ASAP1: variants seen among roughly 807,000 people sequenced by gnomAD.
ASAP1 encodes the protein ArfGAP with SH3 domain, ankyrin repeat and PH domain 1, also known as arf-GAP with SH3 domain, ANK repeat and PH domain-containing protein 1.
ASAP1 carries 43 observed loss-of-function variants against 145.2 expected under a neutral mutation model. The observed-to-expected ratio is 0.30, with a 90% CI of 0.23 to 0.38. The LOEUF is 0.38. Among genes scored for constraint, ASAP1 ranks in the 10% least tolerant of loss-of-function variants. The pLI is 1.00. For missense variants in ASAP1, 1,018 were observed against 1,355.3 expected, an observed-to-expected ratio of 0.75 and a Z score of 3.91; for synonymous variants, 546 against 515.5, an observed-to-expected ratio of 1.06 and a Z score of -0.80.
chr8:130,141,215 C>A (rs780041164), intron 13 of ASAP1, among the ~76,000 whole-genome samples: 1 of 152,152 alleles, frequency 6.6e-6, no homozygotes, highest in Admixed American at 6.5e-5. Context: ...TCTATTGAGT[C>A]CTTGCTGTTG....
intron 4 of ASAP1, among the ~76,000 whole-genome samples, chr8:130,226,562 G>T (rs1002635662): frequency 5.9e-5 from 9 of 152,110 alleles, no homozygotes; most frequent in Non-Finnish European, 1.3e-4. Context: ...AGGTCATTTT[G>T]ACTTTGGAGT....
Position 130,053,245 on chromosome 8 carries a change from A to G in ASAP1, c.*1486T>C, listed in dbSNP as rs1486097454. On this transcript the variant is annotated 3_prime_UTR_variant, in exon 30 of 30. Transcript: ENST00000518721. ...TTGCCAAGATTCTCTGCTTAAAAATATTAGTTTTCTGTGCTGTTGCCAAAA... is the reference window on the plus strand; with the variant it reads ...TTGCCAAGATTCTCTGCTTAAAAATGTTAGTTTTCTGTGCTGTTGCCAAAA... 3 of 152,344 alleles carry G rather than the reference A, an allele frequency of 2.0e-5. No homozygotes were observed. The highest frequency in any genetic ancestry group is 2.4e-5 in the African/African-American group (1 of 41,576). 9.4% of individuals were successfully genotyped at this position (152,344 alleles called of 1,614,324 possible). A position where few individuals can be genotyped will look rare whatever the true frequency, so the allele number is the denominator to read the frequency against.
At chr8:130,161,527 C>T (rs530164971) in intron 11 of ASAP1, among the ~76,000 whole-genome samples, 8 of 152,276 alleles carry the variant, frequency 5.3e-5, no homozygotes, top group East Asian at 1.9e-4. Flanking sequence ...TTGACATGGA[C>T]GCTCACACTC....
chr8:130,301,206 C>A (rs1033492889), intron 3 of ASAP1, among the ~76,000 whole-genome samples: 1 of 152,158 alleles, frequency 6.6e-6, no homozygotes, highest in South Asian at 2.1e-4. Context: ...TACCTTCCCC[C>A]ACCTCTTAAC....
chr8:130,252,043 A>C (rs556580896), intron 3 of ASAP1, among the ~76,000 whole-genome samples: 4 of 152,200 alleles, frequency 2.6e-5, no homozygotes, highest in Non-Finnish European at 5.9e-5. Context: ...GTGTATTATC[A>C]AATGTTCTAA....
intron 11 of ASAP1, 92 bp from the exon 12 acceptor site, chr8:130,160,056 G>T: frequency 9.5e-7 from 1 of 1,055,188 alleles, no homozygotes; most frequent in Non-Finnish European, 1.5e-6. Context: ...GCACTGGTCT[G>T]GGTCTAAGGG....
At chr8:130,189,074 T>A (rs1814955952) in intron 5 of ASAP1, among the ~76,000 whole-genome samples, 1 of 152,218 alleles carries the variant, frequency 6.6e-6, no homozygotes, top group South Asian at 2.1e-4. Context: ...ATGAAGTACA[T>A]GTGAAATTTG....
intron 27 of ASAP1, among the ~76,000 whole-genome samples, chr8:130,072,824 T>TGTGCGCGCGC: frequency 1.2e-4 from 4 of 32,230 alleles, no homozygotes; most frequent in Admixed American, 7.2e-4. Flanking sequence ...TGTGTGTGTG[T>TGTGCGCGCGC]GCGCGCGGGG....
intron 23 of ASAP1, among the ~76,000 whole-genome samples, chr8:130,115,261 CA>C (rs1444584761): frequency 1.3e-5 from 2 of 152,202 alleles, no homozygotes; most frequent in Non-Finnish European, 2.9e-5. Flanking sequence ...TGAGGTCCCC[CA>C]AAGGGTAAGG....
chr8:130,374,596 A>T (rs2138324566), intron 2 of ASAP1, among the ~76,000 whole-genome samples: 1 of 152,386 alleles, frequency 6.6e-6, no homozygotes, highest in Non-Finnish European at 1.5e-5. Flanking sequence ...TAACAAGCTT[A>T]CATACTTGTC....
At chr8:130,279,829 G>A (rs1773105074) in intron 3 of ASAP1, among the ~76,000 whole-genome samples, 2 of 152,100 alleles carry the variant, frequency 1.3e-5, no homozygotes, top group South Asian at 4.1e-4. Flanking sequence ...AATAGTTAGG[G>A]GCGTCCATAA....
At chr8:130,240,583 A>C (rs1818464216) in intron 3 of ASAP1, among the ~76,000 whole-genome samples, 1 of 152,192 alleles carries the variant, frequency 6.6e-6, no homozygotes, top group South Asian at 2.1e-4. Context: ...ATCTTTCCCA[A>C]ATCATTAGAA....
At chr8:130,322,719 G>A (rs757352622) in intron 3 of ASAP1, among the ~76,000 whole-genome samples, 5 of 152,198 alleles carry the variant, frequency 3.3e-5, no homozygotes, top group African/African-American at 7.2e-5. Flanking sequence ...TGTGAAGCAT[G>A]TATAGAACAC....
At chr8:130,321,991 C>T (rs917286446) in intron 3 of ASAP1, among the ~76,000 whole-genome samples, 3 of 152,190 alleles carry the variant, frequency 2.0e-5, no homozygotes, top group Admixed American at 2.0e-4. Context: ...GCAAATTAAA[C>T]TTGCTTTGCA....
At chr8:130,180,711 G>A in intron 8 of ASAP1, 40 bp downstream of exon 8, 2 of 1,591,406 alleles carry the variant, frequency 1.3e-6, no homozygotes, top group Non-Finnish European at 1.7e-6. Context: ...GATCACAGTT[G>A]TTATAATTCT....
chr8:130,247,942 TAACC>T (rs901653064), intron 3 of ASAP1, among the ~76,000 whole-genome samples: 1 of 152,070 alleles, frequency 6.6e-6, no homozygotes, highest in Admixed American at 6.6e-5. Flanking sequence ...TTAATATAAA[TAACC>T]AACCACAACA....
intron 4 of ASAP1, among the ~76,000 whole-genome samples, chr8:130,221,318 A>G (rs768179655): frequency 1.3e-5 from 2 of 152,126 alleles, no homozygotes; most frequent in Non-Finnish European, 2.9e-5. Context: ...GAAAGGAAGA[A>G]CATTTTCTGC....
chr8:130,145,348 C>T (rs188145926), intron 13 of ASAP1, among the ~76,000 whole-genome samples: 30 of 152,262 alleles, frequency 2.0e-4, no homozygotes, highest in Non-Finnish European at 3.4e-4. Flanking sequence ...GACGGAGTCT[C>T]GCTCTGTTGC....
intron 2 of ASAP1, among the ~76,000 whole-genome samples, chr8:130,369,592 A>G (rs1399583369): frequency 6.6e-6 from 1 of 152,240 alleles, no homozygotes; most frequent in Non-Finnish European, 1.5e-5. Context: ...CCAAAGATAT[A>G]CAAGTGGATA....
Sources: gnomAD v4.1 joint callset for allele counts (sites outside exome capture counted in the v4.1 genomes callset) on GRCh38, gnomAD v4.1.1 for gene constraint, MANE v1.5 for transcripts, NCBI Gene and HGNC (gene_info 2026-07-23, HGNC 2026-07-21) for gene names.